Variants in MACROD2 observed in about 807,000 individuals in gnomAD.
MACROD2 encodes ADP-ribose glycohydrolase MACROD2.
A neutral mutation model predicts 70.4 loss-of-function variants in MACROD2; 36 were observed. That is an observed-to-expected ratio of 0.51 (90% CI 0.39 to 0.68). The LOEUF is 0.68. Among genes scored for constraint, MACROD2 ranks in the 30% least tolerant of loss-of-function variants. The probability of loss-of-function intolerance (pLI) is 0.00; values close to 1 mark genes in which losing one functional copy is unlikely to be tolerated. For missense variants in MACROD2, 496 were observed against 538.4 expected (o/e 0.92, Z 0.78); for synonymous variants, 172 against 178.8 (o/e 0.96, Z 0.30).
At chr20:14,243,337 A>C (rs2081944317) in intron 3 of MACROD2, among the ~76,000 whole-genome samples, 1 of 152,200 alleles carries the variant, frequency 6.6e-6, no homozygotes, top group Admixed American at 6.5e-5. Flanking sequence ...TTAGCTGACC[A>C]TTTGACTGTT....
intron 4 of MACROD2, among the ~76,000 whole-genome samples, chr20:14,548,778 G>T: frequency 6.6e-6 from 1 of 150,728 alleles, no homozygotes. Flanking sequence ...TTAGAATGCT[G>T]GCAATTCACT....
intron 5 of MACROD2, among the ~76,000 whole-genome samples, chr20:15,065,632 C>T (rs1273682654): frequency 1.4e-5 from 2 of 139,542 alleles, no homozygotes; most frequent in Non-Finnish European, 3.0e-5. Context: ...CTAGCCTGGG[C>T]GACAGAGCGA....
chr20:15,109,317 G>A (rs910436571), intron 5 of MACROD2, among the ~76,000 whole-genome samples: 9 of 152,108 alleles, frequency 5.9e-5, no homozygotes, highest in African/African-American at 1.9e-4. Flanking sequence ...ATGAAATGTC[G>A]CTTTAACAAC....
chr20:14,237,685 C>T (rs1287087751), intron 3 of MACROD2, among the ~76,000 whole-genome samples: 1 of 149,260 alleles, frequency 6.7e-6, no homozygotes, highest in Admixed American at 6.7e-5. Flanking sequence ...AATGCTATCC[C>T]TCTCCCCTCC....
intron 10 of MACROD2, among the ~76,000 whole-genome samples, chr20:15,904,902 AAAG>A (rs1568630550): frequency 1.3e-5 from 2 of 149,996 alleles, no homozygotes; most frequent in African/African-American, 4.9e-5. Context: ...AAAAAAAAAA[AAAG>A]AAGGAAGAAA....
chr20:15,254,307 A>C (rs1460223384), intron 6 of MACROD2, among the ~76,000 whole-genome samples: 3 of 152,170 alleles, frequency 2.0e-5, no homozygotes, highest in Non-Finnish European at 4.4e-5. Flanking sequence ...TCAAAAAGGA[A>C]AATCAAAGCG....
At chr20:15,824,151 AG>A (rs1428561149) in intron 8 of MACROD2, among the ~76,000 whole-genome samples, 1 of 152,140 alleles carries the variant, frequency 6.6e-6, no homozygotes, top group African/African-American at 2.4e-5. Flanking sequence ...CAATTGTACA[AG>A]TTACTCTTAC....
chr20:14,741,870 T>A (rs966266029), intron 5 of MACROD2, among the ~76,000 whole-genome samples: 23 of 152,198 alleles, frequency 1.5e-4, no homozygotes, highest in African/African-American at 2.4e-4. Flanking sequence ...GTTTGAAAAC[T>A]TTTTTTAGGC....
At chr20:16,042,595 A>G (rs1221387318) in intron 16 of MACROD2, among the ~76,000 whole-genome samples, 1 of 152,022 alleles carries the variant, frequency 6.6e-6, no homozygotes, top group Non-Finnish European at 1.5e-5. Flanking sequence ...ACCATTTATT[A>G]GTAGGTTTTA....
At chr20:14,186,943 G>A (rs2081349727) in intron 3 of MACROD2, among the ~76,000 whole-genome samples, 1 of 152,010 alleles carries the variant, frequency 6.6e-6, no homozygotes, top group African/African-American at 2.4e-5. Flanking sequence ...AGGGCACTGG[G>A]GACTATTTGA....
chr20:14,000,220 C>T (rs2052714950), intron 1 of MACROD2, among the ~76,000 whole-genome samples: 1 of 152,162 alleles, frequency 6.6e-6, no homozygotes, highest in Non-Finnish European at 1.5e-5. Context: ...CTAGGCTAGA[C>T]CACTCTTTAA....
chr20:14,140,836 G>C (rs1055711776), intron 3 of MACROD2, among the ~76,000 whole-genome samples: 4 of 152,096 alleles, frequency 2.6e-5, no homozygotes, highest in Admixed American at 2.0e-4. Flanking sequence ...AGAGGCAGCT[G>C]GTGGGCTCCT....
intron 3 of MACROD2, among the ~76,000 whole-genome samples, chr20:14,424,318 T>TA (rs1337214002): frequency 6.6e-6 from 1 of 152,198 alleles, no homozygotes; most frequent in Non-Finnish European, 1.5e-5. Context: ...TTTCAGGTTC[T>TA]AAAATGTGAC....
chr20:14,034,888 T>C (rs2053289111), intron 2 of MACROD2, among the ~76,000 whole-genome samples: 1 of 152,232 alleles, frequency 6.6e-6, no homozygotes, highest in Non-Finnish European at 1.5e-5. Context: ...TCCATTTTAC[T>C]TATTGTCTTG....
intron 3 of MACROD2, among the ~76,000 whole-genome samples, chr20:14,376,843 T>A (rs1422963488): frequency 1.3e-5 from 2 of 151,386 alleles, no homozygotes; most frequent in Non-Finnish European, 2.9e-5. Context: ...TTGGCTCTGG[T>A]TTTCTCACAT....
chr20:15,844,627 G>T (rs1298840553), intron 8 of MACROD2, among the ~76,000 whole-genome samples: 2 of 152,098 alleles, frequency 1.3e-5, no homozygotes, highest in African/African-American at 4.8e-5. Flanking sequence ...TATTTATGAA[G>T]GGTCTTATCT....
chr20:14,656,865 G>A (rs1600506031), intron 4 of MACROD2, among the ~76,000 whole-genome samples: 1 of 152,218 alleles, frequency 6.6e-6, no homozygotes, highest in South Asian at 2.1e-4. Flanking sequence ...TTTTCTGTGT[G>A]CTGTCTTGGC....
chr20:15,844,781 A>G (rs1196688883), intron 8 of MACROD2, among the ~76,000 whole-genome samples: 1 of 152,152 alleles, frequency 6.6e-6, no homozygotes, highest in African/African-American at 2.4e-5. Context: ...TATTTGATAC[A>G]CAATGGCACA....
At chr20:15,090,405 C>CA (rs1381169273) in intron 5 of MACROD2, among the ~76,000 whole-genome samples, 1 of 152,034 alleles carries the variant, frequency 6.6e-6, no homozygotes, top group Non-Finnish European at 1.5e-5. Flanking sequence ...CAGCCCAATG[C>CA]ACTGAAATAT....
Sources: allele counts gnomAD v4.1 joint callset (sites outside exome capture counted in the v4.1 genomes callset), GRCh38; gene constraint gnomAD v4.1.1; transcripts MANE v1.5; gene names NCBI Gene and HGNC (gene_info 2026-07-23, HGNC 2026-07-21).